DUSP10: variants seen among roughly 807,000 people sequenced by gnomAD.
DUSP10 encodes dual specificity phosphatase 10.
Under a neutral mutation model 30.8 loss-of-function variants are expected in DUSP10, and 14 were observed. That is an observed-to-expected ratio of 0.46 (90% CI 0.30 to 0.71). The LOEUF is 0.71. DUSP10 is among the 30% of genes least tolerant of loss of function. The pLI is 0.08. For synonymous variants in DUSP10, 254 were observed against 250.4 expected, an observed-to-expected ratio of 1.01 and a Z score of -0.14; for missense variants, 550 against 619.4, an observed-to-expected ratio of 0.89 and a Z score of 1.19.
chr1:221,736,171 G>A (rs77603014), intron 2 of DUSP10, among the ~76,000 whole-genome samples: 2,354 of 152,188 alleles, frequency 0.015, 69 homozygotes, highest in African/African-American at 0.053. Context: ...GTTAGCAGCC[G>A]CTCTACTTGA....
intron 2 of DUSP10, among the ~76,000 whole-genome samples, chr1:221,728,500 G>A (rs1661488960): frequency 6.6e-6 from 1 of 152,172 alleles, no homozygotes; most frequent in Admixed American, 6.5e-5. Flanking sequence ...GGCTTAGACT[G>A]TAGAAGGGAA....
At chr1:221,741,383 G>C (rs1661949821) in intron 1 of DUSP10, among the ~76,000 whole-genome samples, 1 of 152,088 alleles carries the variant, frequency 6.6e-6, no homozygotes. Flanking sequence ...GACACGCGCT[G>C]GGACCCCCAC....
At position 221,721,176 on chromosome 1, in the gene DUSP10, G is replaced by A. The variant is rs191904484; in HGVS notation, c.812-14710C>T. On this transcript the variant is annotated intron_variant, in intron 2 of 3. Transcript: ENST00000366899. ...AGAAATTCTAAGTATTCACTGTTTA[G>A]CATCTGAATTGTATATAGTAAGTGC... Among the ~76,000 whole-genome samples the A allele has an allele frequency of 2.9e-3, 444 of 152,306 alleles. 1 individual carries two copies. The highest frequency in any genetic ancestry group is 4.5e-3 in the Non-Finnish European group (304 of 68,030).
chr1:221,713,379 T>C (rs1329657122), intron 2 of DUSP10, among the ~76,000 whole-genome samples: 1 of 152,190 alleles, frequency 6.6e-6, no homozygotes, highest in African/African-American at 2.4e-5. Context: ...TTTAGTTCTT[T>C]ATGTCTACGA....
intron 2 of DUSP10, chr1:221,736,759 A>G (rs1661785788): frequency 3.2e-6 from 3 of 944,458 alleles, no homozygotes; most frequent in Non-Finnish European, 3.8e-6. Context: ...TAGAATATAG[A>G]CCCCTTCACT....
chr1:221,708,855 A>G (rs1660847233), intron 2 of DUSP10, among the ~76,000 whole-genome samples: 1 of 152,160 alleles, frequency 6.6e-6, no homozygotes, highest in Admixed American at 6.5e-5. Flanking sequence ...TTTTTCTTCA[A>G]AAAAGGCAGT....
At chr1:221,727,607 T>C (rs1469489682) in intron 2 of DUSP10, among the ~76,000 whole-genome samples, 1 of 152,242 alleles carries the variant, frequency 6.6e-6, no homozygotes, top group Non-Finnish European at 1.5e-5. Flanking sequence ...ACTATAATTC[T>C]GTGGTTTTTC....
chr1:221,723,999 C>T (rs1305285873), intron 2 of DUSP10, among the ~76,000 whole-genome samples: 1 of 152,226 alleles, frequency 6.6e-6, no homozygotes, highest in African/African-American at 2.4e-5. Flanking sequence ...TGAGTCATCG[C>T]ATTAACATAA....
chr1:221,736,808 G>C (rs1422904298), intron 2 of DUSP10: 2 of 985,150 alleles, frequency 2.0e-6, no homozygotes, highest in Non-Finnish European at 2.4e-6. Flanking sequence ...CCAGATATTT[G>C]AAGAAAAGGC....
intron 2 of DUSP10, among the ~76,000 whole-genome samples, chr1:221,710,465 A>G (rs898525492): frequency 1.3e-5 from 2 of 152,270 alleles, no homozygotes; most frequent in South Asian, 4.1e-4. Flanking sequence ...ACCTTAAAAC[A>G]ATGTCCAGCA....
intron 2 of DUSP10, among the ~76,000 whole-genome samples, chr1:221,724,597 A>G (rs1185819324): frequency 6.6e-6 from 1 of 152,198 alleles, no homozygotes; most frequent in Non-Finnish European, 1.5e-5. Flanking sequence ...CAAGGCTACT[A>G]TATTGGACGC....
At position 221,718,367 on chromosome 1, in the gene DUSP10, G is replaced by A. The variant is rs555794943; in HGVS notation, c.812-11901C>T. 2.0e-5 allele frequency among the ~76,000 whole-genome samples: 3 copies of A among 152,228 alleles called. No homozygotes were observed. In the South Asian group the frequency reaches 6.2e-4, roughly 32 times the overall value. ...TAGCTGGAGACATTCTGCGTACTGG[G>A]GAGGCTACTCTATACCATGTTAGGG... On this transcript the variant is annotated intron_variant, in intron 2 of 3. Coordinates refer to ENST00000366899, the MANE Select transcript of DUSP10 (RefSeq NM_007207.6).
intron 2 of DUSP10, among the ~76,000 whole-genome samples, chr1:221,733,338 G>T (rs1229208978): frequency 6.6e-6 from 1 of 152,206 alleles, no homozygotes; most frequent in Non-Finnish European, 1.5e-5. Flanking sequence ...TTTGAAAACA[G>T]AAATAGGCAA....
At position 221,717,458 on chromosome 1, in the gene DUSP10, CAGAG is replaced by C. The variant is rs34500007; in HGVS notation, c.812-10996_812-10993del. ...AAAAGAGGGGGGAGGGGAAAAGAAA[CAGAG>C]AGAGAGAGAGAGAGAGAACGCACTG... On this transcript the variant is annotated intron_variant, in intron 2 of 3. Transcript: ENST00000366899. Among the ~76,000 whole-genome samples the C allele has an allele frequency of 1.6e-3, 237 of 149,150 alleles. 1 individual carries two copies. Among genetic ancestry groups the C allele is most frequent in the African/African-American group, 5.2e-3 (212 of 40,578 alleles).
At chr1:221,713,054 A>G (rs1660987831) in intron 2 of DUSP10, among the ~76,000 whole-genome samples, 2 of 152,256 alleles carry the variant, frequency 1.3e-5, no homozygotes. Flanking sequence ...GGAGGTAGTC[A>G]GATGCAGGAA....
At chr1:221,740,751 T>C (rs1661929989) in intron 1 of DUSP10, among the ~76,000 whole-genome samples, 1 of 152,180 alleles carries the variant, frequency 6.6e-6, no homozygotes, top group Non-Finnish European at 1.5e-5. Flanking sequence ...ACTGATTCCG[T>C]AAAGAGGACC....
intron 2 of DUSP10, among the ~76,000 whole-genome samples, chr1:221,720,174 G>A (rs975819396): frequency 6.6e-6 from 1 of 152,192 alleles, no homozygotes; most frequent in African/African-American, 2.4e-5. Flanking sequence ...CTGAAGTTAT[G>A]AGTGTTTTCT....
Position 221,706,438 on chromosome 1 carries a change from A to C in DUSP10, c.840T>G (p.His280Gln). The C allele has an allele frequency of 6.5e-7, 1 of 1,529,074 alleles. No individual in the cohort carries two copies. Among genetic ancestry groups the C allele is most frequent in the Non-Finnish European group, 8.8e-7 (1 of 1,138,782 alleles). The allele number at this position is 1,529,074 out of a possible 1,614,324, so 94.7% of individuals were successfully genotyped here. A position where few individuals can be genotyped will look rare whatever the true frequency, so the allele number is the denominator to read the frequency against. The change falls in exon 3 of 4, where the codon CAT becomes CAG. Residue 280 changes from histidine to glutamine, a missense_variant. His to Gln is a conservative substitution (Grantham distance 24). Coordinates refer to ENST00000366899, the MANE Select transcript of DUSP10 (RefSeq NM_007207.6). This position sits in a 1 kb window ranked among gnomAD's most constrained non-coding sequence, Gnocchi z 4.6. ...KGGLSSFKQN[H>Q]ENLCDNSLQL... is the part of the protein sequence containing the mutation. ...GGAGGGAGTTGTCACAGAGGTTTTCATGGTTCTGCTTAAAACTACTAAGTC... is the reference window on the plus strand; with the variant it reads ...GGAGGGAGTTGTCACAGAGGTTTTCCTGGTTCTGCTTAAAACTACTAAGTC...
At chr1:221,719,131 A>G (rs1328021109) in intron 2 of DUSP10, among the ~76,000 whole-genome samples, 4 of 152,236 alleles carry the variant, frequency 2.6e-5, no homozygotes, top group African/African-American at 9.6e-5. Flanking sequence ...CTGGAGGTCA[A>G]AGAGCTCTGG....
Sources: allele counts gnomAD v4.1 joint callset (sites outside exome capture counted in the v4.1 genomes callset), GRCh38; gene constraint gnomAD v4.1.1; non-coding constraint Gnocchi (gnomAD v3.1); transcripts MANE v1.5; gene names NCBI Gene and HGNC (gene_info 2026-07-23, HGNC 2026-07-21).